The following DLG2 variants were observed in gnomAD, a reference collection of about 807,000 sequenced individuals.
DLG2 encodes discs large MAGUK scaffold protein 2.
A neutral mutation model predicts 132.5 loss-of-function variants in DLG2; 45 were observed. The observed-to-expected ratio is 0.34, with a 90% confidence interval of 0.27 to 0.44. DLG2 has a LOEUF of 0.44. DLG2 is among the 20% of genes least tolerant of loss of function. The pLI, the probability that DLG2 is intolerant of heterozygous loss-of-function variation, is 1.00. For synonymous variants in DLG2, 424 were observed against 419.6 expected, an observed-to-expected ratio of 1.01 and a Z score of -0.13; for missense variants, 1,045 against 1,196.9, an observed-to-expected ratio of 0.87 and a Z score of 1.87.
intron 11 of DLG2, among the ~76,000 whole-genome samples, chr11:84,031,507 AG>A (rs1314442113): frequency 1.3e-5 from 2 of 152,152 alleles, no homozygotes; most frequent in African/African-American, 4.8e-5. Context: ...GGGGTTTGTG[AG>A]AAGGCAGAGA....
At chr11:84,744,898 TAAAAAAAAAA>T (rs758776805) in intron 6 of DLG2, among the ~76,000 whole-genome samples, 7 of 71,812 alleles carry the variant, frequency 9.7e-5, no homozygotes, top group Non-Finnish European at 1.7e-4. Flanking sequence ...AGTAAAGGTC[TAAAAAAAAAA>T]AAAAAAAAAA....
chr11:83,489,481 A>AAAAC (rs1363527805), intron 21 of DLG2, among the ~76,000 whole-genome samples: 2 of 151,944 alleles, frequency 1.3e-5, no homozygotes, highest in South Asian at 2.1e-4. Flanking sequence ...AACAAATTAT[A>AAAAC]AAACAAAACA....
intron 3 of DLG2, among the ~76,000 whole-genome samples, chr11:85,594,160 A>T (rs1026790689): frequency 6.6e-6 from 1 of 152,210 alleles, no homozygotes; most frequent in Non-Finnish European, 1.5e-5. Context: ...ATGAGATACA[A>T]TGAAAGGGCT....
intron 6 of DLG2, among the ~76,000 whole-genome samples, chr11:84,688,938 A>AAATCAACTG (rs749095224): frequency 6.6e-6 from 1 of 152,180 alleles, no homozygotes; most frequent in African/African-American, 2.4e-5. Flanking sequence ...AGCTACACAG[A>AAATCAACTG]AATCAACTGA....
chr11:85,261,041 C>T (rs1478883798), intron 4 of DLG2, among the ~76,000 whole-genome samples: 1 of 151,932 alleles, frequency 6.6e-6, no homozygotes, highest in Non-Finnish European at 1.5e-5. Flanking sequence ...TGGCTGGGGC[C>T]CAGCGTAGCA....
chr11:83,932,436 G>T (rs990021049), intron 14 of DLG2, among the ~76,000 whole-genome samples: 1 of 151,754 alleles, frequency 6.6e-6, no homozygotes, highest in Non-Finnish European at 1.5e-5. Context: ...GGGTTTCACT[G>T]CATTAGCAAG....
chr11:83,909,455 A>T (rs1236061077), intron 15 of DLG2, among the ~76,000 whole-genome samples: 4 of 152,190 alleles, frequency 2.6e-5, no homozygotes. Context: ...ACTGCAACTG[A>T]CAATGGAAGC....
intron 6 of DLG2, among the ~76,000 whole-genome samples, chr11:85,103,794 C>G (rs1302865032): frequency 6.6e-6 from 1 of 151,782 alleles, no homozygotes; most frequent in East Asian, 1.9e-4. Flanking sequence ...ACCCACAGAA[C>G]AGGAGAAAAT....
In DLG2 at chr11:84,271,487, T is replaced by C. The variant is rs190042476; in HGVS notation, c.520-20196A>G. Among the ~76,000 whole-genome samples the C allele has an allele frequency of 2.5e-3, 383 of 152,236 alleles. 3 individuals carry two copies. The highest frequency in any genetic ancestry group is 8.9e-3 in the African/African-American group (369 of 41,554). ...ACAATGCTATAGTCAAGGTTCTGAG[T>C]TTTCTCCAGATGGACTTTAATAGAA... On this transcript the variant is annotated intron_variant, in intron 7 of 27. Coordinates refer to ENST00000376104, the MANE Select transcript of DLG2 (RefSeq NM_001142699.3).
At chr11:85,504,866 G>C (rs1434271283) in intron 3 of DLG2, among the ~76,000 whole-genome samples, 1 of 152,082 alleles carries the variant, frequency 6.6e-6, no homozygotes, top group Non-Finnish European at 1.5e-5. Context: ...TCTTCCATTT[G>C]TTTCATCCTC....
intron 5 of DLG2, among the ~76,000 whole-genome samples, chr11:85,150,440 T>C (rs996550196): frequency 1.1e-4 from 16 of 152,250 alleles, no homozygotes; most frequent in African/African-American, 3.6e-4. Context: ...GTGAAACACA[T>C]ACCTAGATGA....
chr11:85,322,732 T>G (rs2081163120), intron 3 of DLG2, among the ~76,000 whole-genome samples: 1 of 152,186 alleles, frequency 6.6e-6, no homozygotes, highest in Non-Finnish European at 1.5e-5. Context: ...GTCAGAGACT[T>G]CAAAGTCATC....
intron 17 of DLG2, among the ~76,000 whole-genome samples, chr11:83,789,402 G>A (rs1458871229): frequency 1.3e-5 from 2 of 152,098 alleles, no homozygotes; most frequent in African/African-American, 4.8e-5. Flanking sequence ...CAGCATTGAG[G>A]AGAATTTGAT....
Position 84,154,337 on chromosome 11 carries a change from T to C in DLG2, c.624+9124A>G, listed in dbSNP as rs947761922. Among the ~76,000 whole-genome samples the C allele has an allele frequency of 3.9e-5, 6 of 152,312 alleles. No individual in the cohort carries two copies. The South Asian group carries it at 1.2e-3, about 32-fold the overall frequency. The stretch of plus-strand genomic sequence containing the variant: ...ATACAAAAGTAATACATGCTTATTC[T>C]AACAATTGAAATCATATAAAGATAC... On this transcript the variant is annotated intron_variant, in intron 9 of 27. Coordinates refer to ENST00000376104, the MANE Select transcript of DLG2 (RefSeq NM_001142699.3).
intron 8 of DLG2, among the ~76,000 whole-genome samples, chr11:84,207,721 A>G (rs1011368682): frequency 7.2e-5 from 11 of 152,200 alleles, no homozygotes; most frequent in Admixed American, 1.3e-4. Context: ...TTTGTGATCT[A>G]GAGATATGCA....
chr11:83,994,088 A>T (rs946416474), intron 11 of DLG2, among the ~76,000 whole-genome samples: 4 of 150,402 alleles, frequency 2.7e-5, no homozygotes, highest in African/African-American at 1.0e-4. Context: ...CTCTCCACTG[A>T]CCACATCTAA....
intron 3 of DLG2, among the ~76,000 whole-genome samples, chr11:85,473,072 GA>G (rs1266754230): frequency 3.9e-5 from 6 of 152,208 alleles, no homozygotes; most frequent in African/African-American, 9.7e-5. Flanking sequence ...GTCTAAGATG[GA>G]AGCCTCTTGC....
At chr11:84,766,534 G>C (rs2068441603) in intron 6 of DLG2, among the ~76,000 whole-genome samples, 1 of 152,000 alleles carries the variant, frequency 6.6e-6, no homozygotes, top group African/African-American at 2.4e-5. Context: ...TCAGCAACTG[G>C]CATAATGTGG....
chr11:83,841,704 G>T (rs1347602896), intron 16 of DLG2, among the ~76,000 whole-genome samples: 1 of 152,192 alleles, frequency 6.6e-6, no homozygotes, highest in Non-Finnish European at 1.5e-5. Flanking sequence ...AGTATGGAAT[G>T]TATAGAAGAC....
Sources: gnomAD v4.1 joint callset for allele counts (sites outside exome capture counted in the v4.1 genomes callset) on GRCh38, gnomAD v4.1.1 for gene constraint, MANE v1.5 for transcripts, NCBI Gene and HGNC (gene_info 2026-07-23, HGNC 2026-07-21) for gene names.